Variants in PKD1L1 observed in about 807,000 individuals in gnomAD.
PKD1L1 encodes the protein polycystin-1-like protein 1.
A neutral mutation model predicts 323.4 loss-of-function variants in PKD1L1; 236 were observed. That is an observed-to-expected ratio of 0.73 (90% CI 0.66 to 0.81). The LOEUF is 0.81. PKD1L1 is among the 40% of genes least tolerant of loss of function. The probability of loss-of-function intolerance (pLI) is 0.00; values close to 1 mark genes in which losing one functional copy is unlikely to be tolerated. For synonymous variants in PKD1L1, 1,344 were observed against 1,335.0 expected, an observed-to-expected ratio of 1.01 and a Z score of -0.15; for missense variants, 3,320 against 3,508.0, an observed-to-expected ratio of 0.95 and a Z score of 1.35.
intron 54 of PKD1L1, among the ~76,000 whole-genome samples, chr7:47,800,380 A>C (rs1035637262): frequency 2.6e-5 from 4 of 152,218 alleles, no homozygotes; most frequent in African/African-American, 9.6e-5. Flanking sequence ...TTCAGTGCAG[A>C]GTGAGGGGGG....
Position 47,868,230 on chromosome 7 carries a change from G to A in PKD1L1, c.3897-1616C>T, listed in dbSNP as rs570037246. ...TAAAAATACAAAAAATTAGCTGGGC[G>A]TGGCGGTGTGTGCCTGTAATCCCAG... is the stretch of plus-strand genomic sequence containing the variant. On this transcript the variant is annotated intron_variant, in intron 24 of 56. Transcript: ENST00000289672. Among the ~76,000 whole-genome samples, 8 of 152,186 alleles carry A rather than the reference G, an allele frequency of 5.3e-5. No homozygotes were observed. The South Asian group carries it at 1.5e-3, about 28-fold the overall frequency.
intron 4 of PKD1L1, among the ~76,000 whole-genome samples, chr7:47,936,427 C>CT (rs1482917722): frequency 6.6e-6 from 1 of 152,138 alleles, no homozygotes; most frequent in African/African-American, 2.4e-5. Flanking sequence ...AAGGATGTGT[C>CT]TTTTTGTGAC....
intron 30 of PKD1L1, 26 bp downstream of exon 30, chr7:47,854,856 C>T: frequency 6.2e-7 from 1 of 1,610,342 alleles, no homozygotes; most frequent in Non-Finnish European, 8.5e-7. Context: ...ACTCCAATCT[C>T]ATTGTAGCTG....
At chr7:47,847,554 T>C (rs968662475) in intron 31 of PKD1L1, among the ~76,000 whole-genome samples, 1 of 152,220 alleles carries the variant, frequency 6.6e-6, no homozygotes, top group African/African-American at 2.4e-5. Context: ...GCCTATCATT[T>C]TTTTTTTATG....
At chr7:47,844,517 A>G (rs1785624525) in intron 33 of PKD1L1, among the ~76,000 whole-genome samples, 1 of 152,246 alleles carries the variant, frequency 6.6e-6, no homozygotes, top group African/African-American at 2.4e-5. Flanking sequence ...GAGTCTAAAT[A>G]TAACCATTTC....
chr7:47,937,267 G>A (rs899568300), intron 3 of PKD1L1, among the ~76,000 whole-genome samples: 3 of 136,400 alleles, frequency 2.2e-5, no homozygotes, highest in South Asian at 2.9e-4. Flanking sequence ...GGTGGGGGGG[G>A]GGGGCGCGGT....
intron 56 of PKD1L1, among the ~76,000 whole-genome samples, chr7:47,791,223 G>A (rs1345383132): frequency 6.6e-6 from 1 of 151,902 alleles, no homozygotes; most frequent in African/African-American, 2.4e-5. Flanking sequence ...CGTGTCTTAC[G>A]CACATTCTTC....
chr7:47,803,130 T>C, intron 53 of PKD1L1, 80 bp downstream of exon 53: 4 of 1,566,082 alleles, frequency 2.6e-6, no homozygotes, highest in Non-Finnish European at 3.5e-6. Flanking sequence ...AGCAGTTTGT[T>C]TTTCCCTTGA....
intron 7 of PKD1L1, among the ~76,000 whole-genome samples, chr7:47,918,713 G>C (rs1334596485): frequency 1.3e-5 from 2 of 152,040 alleles, no homozygotes; most frequent in African/African-American, 4.8e-5. Flanking sequence ...ACTCCAAAAG[G>C]AACATTCAAA....
chr7:47,784,638 A>T (rs1173759013), intron 56 of PKD1L1, among the ~76,000 whole-genome samples: 1 of 151,850 alleles, frequency 6.6e-6, no homozygotes, highest in Non-Finnish European at 1.5e-5. Context: ...ATGCCCGCTA[A>T]TTTTTTGTAT....
chr7:47,959,891 G>A, the PKD1L1 span, among the ~76,000 whole-genome samples: 14 of 151,178 alleles, frequency 9.3e-5, no homozygotes, highest in Non-Finnish European at 1.3e-4. Flanking sequence ...CATTGAGAAC[G>A]GGCCATGATG....
At chr7:47,952,055 A>G (rs969113892), upstream of PKD1L1, among the ~76,000 whole-genome samples, 11 of 151,918 alleles carry the variant, frequency 7.2e-5, no homozygotes, top group African/African-American at 1.9e-4. Context: ...CAGCTTGTGG[A>G]CCTCTACTCA....
intron 51 of PKD1L1, among the ~76,000 whole-genome samples, chr7:47,808,631 G>A (rs750112235): frequency 6.6e-5 from 10 of 152,228 alleles, no homozygotes; most frequent in African/African-American, 9.6e-5. Flanking sequence ...CTACAACCCT[G>A]TGCAGCGTGT....
rs1011917111 is a variant in PKD1L1, at chr7:47,858,889, C to T, written c.4150-4G>A. On this transcript the variant is annotated splice_region_variant and splice_polypyrimidine_tract_variant and intron_variant, in intron 26 of 56. Transcript: ENST00000289672. ...GAACCGCACTCATAAAGCCTAGCTG[C>T]ATGAACAGAAAAGATGTAAATAAAA... The T allele has an allele frequency of 6.2e-7, 1 of 1,613,162 alleles. No individual in the cohort carries two copies. Among genetic ancestry groups the T allele is most frequent in the African/African-American group, 1.3e-5 (1 of 74,884 alleles).
chr7:47,929,986 C>A lies in PKD1L1; in HGVS notation c.738-460G>T, dbSNP rs184595536. Among the ~76,000 whole-genome samples, 10 of 152,360 alleles carry A rather than the reference C, an allele frequency of 6.6e-5. No individual in the cohort carries two copies. The East Asian group carries it at 1.9e-3, about 29-fold the overall frequency. ...ACCCTTTCTACATTTCTCCCTAGCT[C>A]CTTGTGCTGCAAATTGGTTGGGGAG... On this transcript the variant is annotated intron_variant, in intron 6 of 56. Transcript: ENST00000289672.
At chr7:47,913,296 T>A (rs576179693) in intron 8 of PKD1L1, among the ~76,000 whole-genome samples, 1 of 152,152 alleles carries the variant, frequency 6.6e-6, no homozygotes, top group South Asian at 2.1e-4. Flanking sequence ...AGGAACACCA[T>A]GCCAAAAAAA....
intron 45 of PKD1L1, among the ~76,000 whole-genome samples, chr7:47,821,499 C>T (rs1411878119): frequency 6.6e-6 from 1 of 152,016 alleles, no homozygotes; most frequent in Non-Finnish European, 1.5e-5. Context: ...GAACTCCTGA[C>T]CTCAGGTGAT....
the PKD1L1 span, chr7:47,956,947 T>C: frequency 6.5e-6 from 1 of 152,898 alleles, no homozygotes; most frequent in South Asian, 2.0e-4. Context: ...GCAATTGAAG[T>C]AATTTGTCCA....
chr7:47,809,556 G>T lies in PKD1L1; in HGVS notation c.7603C>A (p.Leu2535Met). 1 of 1,601,250 alleles carries T rather than the reference G, an allele frequency of 6.2e-7. No individual in the cohort carries two copies. The highest frequency in any genetic ancestry group is 8.5e-7 in the Non-Finnish European group (1 of 1,175,566). The change falls in exon 51 of 57, where the codon CTG (leucine) becomes ATG (methionine). Residue 2535 changes from leucine to methionine, a missense_variant. Coordinates refer to ENST00000289672, the MANE Select transcript of PKD1L1 (RefSeq NM_138295.5). ...TAGAGTTGAACACAGAGGTGGATCA[G>T]GCTGAGTGCCAGGAAGACCAGCTGG... ...LPQLVFLALS[L>M]IHLCVQLYRM... is the part of the protein sequence containing the mutation.
Sources: allele counts gnomAD v4.1 joint callset (sites outside exome capture counted in the v4.1 genomes callset), GRCh38; gene constraint gnomAD v4.1.1; transcripts MANE v1.5; gene names NCBI Gene and HGNC (gene_info 2026-07-23, HGNC 2026-07-21).